Variants in GALNT13 observed in about 807,000 individuals in gnomAD.
GALNT13 encodes polypeptide N-acetylgalactosaminyltransferase 13.
A neutral mutation model predicts 64.2 loss-of-function variants in GALNT13; 28 were observed. The ratio of observed to expected loss-of-function variants is 0.44; its 90% CI spans 0.32 to 0.60. The LOEUF is 0.60. Ranked by LOEUF, GALNT13 falls within the 20% of genes least tolerant of loss-of-function variation. GALNT13 has a pLI of 0.05. For synonymous variants in GALNT13, 214 were observed against 224.6 expected (o/e 0.95, Z 0.42); for missense variants, 577 against 669.8 (o/e 0.86, Z 1.53).
chr2:153,218,310 A>G, the GALNT13 span, among the ~76,000 whole-genome samples: 1 of 152,192 alleles, frequency 6.6e-6, no homozygotes, highest in Non-Finnish European at 1.5e-5. Context: ...GTTTAAGCAG[A>G]CAATATTACC....
intron 2 of GALNT13, among the ~76,000 whole-genome samples, chr2:153,924,098 G>A (rs1032878475): frequency 3.3e-5 from 5 of 152,104 alleles, no homozygotes; most frequent in Non-Finnish European, 7.3e-5. Context: ...AGGATGTACA[G>A]GATTGTTACA....
the GALNT13 span, among the ~76,000 whole-genome samples, chr2:153,075,398 C>T: frequency 2.6e-5 from 4 of 152,148 alleles, no homozygotes; most frequent in Non-Finnish European, 5.9e-5. Context: ...GTTACCTCAT[C>T]TAATTTACAT....
chr2:154,006,960 T>TAA (rs1282208863), intron 3 of GALNT13, among the ~76,000 whole-genome samples: 1 of 152,200 alleles, frequency 6.6e-6, no homozygotes, highest in East Asian at 1.9e-4. Flanking sequence ...TGGGATATTA[T>TAA]AACTGTGACT....
At chr2:153,260,122 T>C in the GALNT13 span, among the ~76,000 whole-genome samples, 11 of 152,228 alleles carry the variant, frequency 7.2e-5, no homozygotes, top group Non-Finnish European at 1.6e-4. Flanking sequence ...CCCTCCACTT[T>C]TTAACTTTTT....
intron 3 of GALNT13, among the ~76,000 whole-genome samples, chr2:154,009,003 T>C (rs1268583060): frequency 6.6e-6 from 1 of 152,182 alleles, no homozygotes; most frequent in African/African-American, 2.4e-5. Flanking sequence ...TTAAGTTCTT[T>C]GATAAATTGC....
intron 3 of GALNT13, among the ~76,000 whole-genome samples, chr2:154,112,483 C>G (rs185168588): frequency 7.2e-5 from 11 of 152,322 alleles, no homozygotes; most frequent in African/African-American, 2.6e-4. Flanking sequence ...AGTTTTTGAT[C>G]ACTTGGAGAG....
At chr2:153,239,356 G>C in the GALNT13 span, among the ~76,000 whole-genome samples, 2 of 152,080 alleles carry the variant, frequency 1.3e-5, no homozygotes, top group African/African-American at 4.8e-5. Flanking sequence ...GCTTTAGCTA[G>C]GACTTTCACA....
chr2:153,230,213 G>C, the GALNT13 span, among the ~76,000 whole-genome samples: 2 of 152,146 alleles, frequency 1.3e-5, no homozygotes, highest in African/African-American at 4.8e-5. Flanking sequence ...GTAAAGTCAA[G>C]AACTCCGTTG....
At chr2:154,083,135 G>A (rs1040490025) in intron 3 of GALNT13, among the ~76,000 whole-genome samples, 7 of 152,008 alleles carry the variant, frequency 4.6e-5, no homozygotes, top group South Asian at 2.1e-4. Flanking sequence ...CATATGGCTA[G>A]CCAGTTTTCC....
the GALNT13 span, among the ~76,000 whole-genome samples, chr2:153,849,469 A>G: frequency 6.6e-6 from 1 of 152,248 alleles, no homozygotes; most frequent in Admixed American, 6.5e-5. Context: ...TTAAAATTCT[A>G]CTTCTAAAAA....
the GALNT13 span, among the ~76,000 whole-genome samples, chr2:153,092,426 A>G: frequency 1.3e-5 from 2 of 152,134 alleles, no homozygotes; most frequent in Non-Finnish European, 2.9e-5. Flanking sequence ...TAGATTGCTT[A>G]GGGTACTATG....
chr2:153,582,817 G>A, the GALNT13 span, among the ~76,000 whole-genome samples: 1 of 152,204 alleles, frequency 6.6e-6, no homozygotes, highest in Non-Finnish European at 1.5e-5. Context: ...CAGTCTATGG[G>A]ATGCCTCTAG....
chr2:153,961,620 A>G (rs763144171), intron 3 of GALNT13, among the ~76,000 whole-genome samples: 12 of 152,260 alleles, frequency 7.9e-5, no homozygotes, highest in Non-Finnish European at 1.5e-4. Flanking sequence ...AGCAGACCCA[A>G]CTTCATAGTT....
chr2:153,494,458 C>T, the GALNT13 span, among the ~76,000 whole-genome samples: 2 of 151,846 alleles, frequency 1.3e-5, no homozygotes, highest in African/African-American at 2.4e-5. Flanking sequence ...TAAACTTATA[C>T]ATATATGACC....
intron 3 of GALNT13, among the ~76,000 whole-genome samples, chr2:154,089,023 T>C (rs1701669373): frequency 1.3e-5 from 2 of 152,126 alleles, no homozygotes; most frequent in Non-Finnish European, 2.9e-5. Flanking sequence ...CTATGGTGAA[T>C]GAATAGCTGA....
At chr2:153,525,061 A>G in the GALNT13 span, among the ~76,000 whole-genome samples, 1 of 152,216 alleles carries the variant, frequency 6.6e-6, no homozygotes, top group African/African-American at 2.4e-5. Context: ...CAGATCAGCC[A>G]CAGTAAGATA....
At chr2:153,138,912 C>A in the GALNT13 span, among the ~76,000 whole-genome samples, 1 of 151,900 alleles carries the variant, frequency 6.6e-6, no homozygotes, top group Non-Finnish European at 1.5e-5. Context: ...GCTCAAAGAT[C>A]CCTCAATCTT....
chr2:154,225,913 C>T (rs1286464264), intron 4 of GALNT13, among the ~76,000 whole-genome samples: 1 of 152,048 alleles, frequency 6.6e-6, no homozygotes, highest in Non-Finnish European at 1.5e-5. Flanking sequence ...GGGTGTGGGG[C>T]AGGACCCTCT....
At chr2:153,664,796 A>C in the GALNT13 span, among the ~76,000 whole-genome samples, 1 of 152,122 alleles carries the variant, frequency 6.6e-6, no homozygotes, top group Non-Finnish European at 1.5e-5. Flanking sequence ...GACTTCCCGC[A>C]ACAATGAGTC....
Sources: gnomAD v4.1 joint callset for allele counts (sites outside exome capture counted in the v4.1 genomes callset) on GRCh38, gnomAD v4.1.1 for gene constraint, MANE v1.5 for transcripts, NCBI Gene and HGNC (gene_info 2026-07-23, HGNC 2026-07-21) for gene names.